Variants in WDR27 observed in about 807,000 individuals in gnomAD.
WDR27 encodes the protein WD repeat-containing protein 27.
A neutral mutation model predicts 114.4 loss-of-function variants in WDR27; 100 were observed. The ratio of observed to expected loss-of-function variants is 0.87; its 90% CI spans 0.74 to 1.03. The LOEUF (loss-of-function observed/expected upper bound fraction) is 1.03. Ranked by LOEUF, WDR27 falls within the 50% of genes least tolerant of loss-of-function variation. WDR27 has a pLI of 0.00. For missense variants in WDR27, 1,129 were observed against 1,092.9 expected, an observed-to-expected ratio of 1.03 and a Z score of -0.47; for synonymous variants, 449 against 423.1, an observed-to-expected ratio of 1.06 and a Z score of -0.75.
chr6:169,434,543 G>A, the WDR27 span, among the ~76,000 whole-genome samples: 1 of 152,032 alleles, frequency 6.6e-6, no homozygotes, highest in African/African-American at 2.4e-5. Flanking sequence ...AATTGTCTTG[G>A]TTCCATATGA....
At chr6:169,691,011 C>T (rs1187739384) in intron 1 of WDR27, among the ~76,000 whole-genome samples, 1 of 152,096 alleles carries the variant, frequency 6.6e-6, no homozygotes, top group Non-Finnish European at 1.5e-5. Context: ...GTCAGGAGAT[C>T]GAGACCATCC....
intron 1 of WDR27, among the ~76,000 whole-genome samples, chr6:169,701,187 C>A (rs1787903073): frequency 6.6e-6 from 1 of 152,082 alleles, no homozygotes; most frequent in Admixed American, 6.5e-5. Flanking sequence ...AGGAGTACCA[C>A]TGATAAAATC....
At chr6:169,577,304 G>A (rs1327346524) in intron 24 of WDR27, among the ~76,000 whole-genome samples, 1 of 152,156 alleles carries the variant, frequency 6.6e-6, no homozygotes, top group South Asian at 2.1e-4. Context: ...GGCCCGCGCC[G>A]AGGAGGGGGC....
chr6:169,521,071 A>G (rs1794319523), intron 25 of WDR27, among the ~76,000 whole-genome samples: 1 of 152,124 alleles, frequency 6.6e-6, no homozygotes, highest in Admixed American at 6.6e-5. Flanking sequence ...ACTCAAATAA[A>G]GCTACCAAAA....
intron 22 of WDR27, among the ~76,000 whole-genome samples, chr6:169,611,856 C>T (rs1333540349): frequency 6.6e-6 from 1 of 152,136 alleles, no homozygotes; most frequent in South Asian, 2.1e-4. Context: ...ATGTCTTGGC[C>T]AGGTACAGTG....
intron 25 of WDR27, among the ~76,000 whole-genome samples, chr6:169,481,774 G>GTAAC (rs1240663101): frequency 1.3e-5 from 2 of 152,142 alleles, no homozygotes; most frequent in African/African-American, 4.8e-5. Context: ...TTAAAGAACT[G>GTAAC]TAACACTCAC....
chr6:169,613,184 G>A (rs76186246), intron 22 of WDR27, among the ~76,000 whole-genome samples: 4 of 152,164 alleles, frequency 2.6e-5, no homozygotes, highest in East Asian at 1.9e-4. Flanking sequence ...GTCAGGCGCC[G>A]CTGGCCCTGC....
intron 8 of WDR27, among the ~76,000 whole-genome samples, chr6:169,662,720 T>C (rs1440670177): frequency 7.7e-6 from 1 of 130,162 alleles, no homozygotes; most frequent in East Asian, 2.7e-4. Flanking sequence ...GCATGACGCG[T>C]GTGCACCGCG....
rs568505526 is a variant in WDR27, at chr6:169,638,782, C to T, written c.1748-122G>A. Reference sequence around the variant, plus strand: ...ACAGCATTTTTCAAGTAATTAGGGGCGCGCCAGGAGGCTTCTCCTCGCCAC... The same window carrying T: ...ACAGCATTTTTCAAGTAATTAGGGGTGCGCCAGGAGGCTTCTCCTCGCCAC... On this transcript the variant is annotated intron_variant, in intron 17 of 25. Coordinates refer to ENST00000448612, the MANE Select transcript of WDR27 (RefSeq NM_182552.5). 1,806 of 1,268,804 alleles carry T rather than the reference C, an allele frequency of 1.4e-3. 3 individuals are homozygous for T. Among genetic ancestry groups the T allele is most frequent in the Non-Finnish European group, 1.6e-3 (1,503 of 925,180 alleles). The allele number at this position is 1,268,804 out of a possible 1,614,324, so 78.6% of individuals were successfully genotyped here.
At chr6:169,474,371 C>T (rs1786845572) in intron 25 of WDR27, among the ~76,000 whole-genome samples, 1 of 152,136 alleles carries the variant, frequency 6.6e-6, no homozygotes, top group African/African-American at 2.4e-5. Context: ...AAACAAAGTA[C>T]TAAGAACTTT....
chr6:169,601,413 C>A (rs1807951602), intron 23 of WDR27, among the ~76,000 whole-genome samples: 1 of 152,168 alleles, frequency 6.6e-6, no homozygotes, highest in Non-Finnish European at 1.5e-5. Context: ...ATCATCATGA[C>A]TAGAAATGCA....
rs1174718101 is a variant in WDR27 at position 169,701,973 on chromosome 6, G to T, written c.-430C>A. 7.6e-6 allele frequency: 3 copies of T among 396,462 alleles called. No individual in the cohort carries two copies. In the East Asian group the frequency reaches 2.2e-4, roughly 29 times the overall value. The allele number at this position is 396,462 out of a possible 1,614,324, so 24.6% of individuals were successfully genotyped here. Reference sequence around the variant, plus strand: ...GCAGAGGACTACCGAGCCACACTCCGCCCCACGCTCGCCGCTATGGTTACT... The same window carrying T: ...GCAGAGGACTACCGAGCCACACTCCTCCCCACGCTCGCCGCTATGGTTACT... On this transcript the variant is annotated 5_prime_UTR_variant, in exon 1 of 26. Transcript: ENST00000448612.
chr6:169,523,951 G>A (rs1425150673), intron 25 of WDR27, among the ~76,000 whole-genome samples: 1 of 151,984 alleles, frequency 6.6e-6, no homozygotes, highest in Admixed American at 6.6e-5. Context: ...GAGCAATTAG[G>A]TAAGAGAAAG....
In WDR27 at chr6:169,587,301, C is replaced by T. The variant is rs1181094011; in HGVS notation, c.2425-4367G>A. Among the ~76,000 whole-genome samples, 8 of 150,396 alleles carry T rather than the reference C, an allele frequency of 5.3e-5. No homozygotes were observed. The Admixed American group carries it at 5.3e-4, about 10-fold the overall frequency. On this transcript the variant is annotated intron_variant, in intron 23 of 25. Transcript: ENST00000448612. ...TGGTGCAATCTCAGCTCACTACAAC[C>T]TCCACCTCCTGGGCTCAAGCGATTC...
rs377587698 is a variant in WDR27 at position 169,653,570 on chromosome 6, A to G, written c.1403-1562T>C. On this transcript the variant is annotated intron_variant, in intron 13 of 25. Transcript: ENST00000448612. ...AATTCTTCATTAGCATCATTACTAC[A>G]TAGGACTTTTTCAATTTTTTGAGGG... Among the ~76,000 whole-genome samples the G allele has an allele frequency of 3.9e-4, 59 of 152,340 alleles. No homozygotes were observed. The South Asian group carries it at 0.012, about 30-fold the overall frequency.
At chr6:169,585,038 C>T (rs1183991226) in intron 23 of WDR27, among the ~76,000 whole-genome samples, 1 of 152,074 alleles carries the variant, frequency 6.6e-6, no homozygotes, top group East Asian at 1.9e-4. Context: ...TCAATAAGGC[C>T]ATCAAGAGGA....
intron 1 of WDR27, among the ~76,000 whole-genome samples, chr6:169,700,908 A>G (rs938589284): frequency 9.9e-5 from 15 of 152,242 alleles, no homozygotes; most frequent in African/African-American, 3.4e-4. Context: ...ATGTACATAC[A>G]TGCACAGAAC....
At chr6:169,593,640 G>C (rs1806197016) in intron 23 of WDR27, among the ~76,000 whole-genome samples, 1 of 152,090 alleles carries the variant, frequency 6.6e-6, no homozygotes, top group Admixed American at 6.5e-5. Flanking sequence ...TTGAGGTCAG[G>C]AGTTTGAGAC....
At chr6:169,431,009 C>A in the WDR27 span, among the ~76,000 whole-genome samples, 1 of 152,132 alleles carries the variant, frequency 6.6e-6, no homozygotes, top group African/African-American at 2.4e-5. Context: ...CCCAGGGATT[C>A]TGTCTGCTGA....
Sources: allele counts gnomAD v4.1 joint callset (sites outside exome capture counted in the v4.1 genomes callset), GRCh38; gene constraint gnomAD v4.1.1; transcripts MANE v1.5; gene names NCBI Gene and HGNC (gene_info 2026-07-23, HGNC 2026-07-21).